Variants in SLC14A2 observed in about 807,000 individuals in gnomAD.
SLC14A2 encodes the protein urea transporter 2.
A neutral mutation model predicts 104.6 loss-of-function variants in SLC14A2; 91 were observed. The observed-to-expected ratio is 0.87, with a 90% confidence interval of 0.73 to 1.04. The LOEUF (loss-of-function observed/expected upper bound fraction) is 1.04. SLC14A2 is among the 50% of genes least tolerant of loss of function. SLC14A2 has a pLI of 0.00. For missense variants in SLC14A2, 1,189 were observed against 1,156.0 expected, an observed-to-expected ratio of 1.03 and a Z score of -0.41; for synonymous variants, 476 against 466.4, an observed-to-expected ratio of 1.02 and a Z score of -0.27.
chr18:45,266,006 T>A (rs1053158832), intron 1 of SLC14A2, among the ~76,000 whole-genome samples: 1 of 152,078 alleles, frequency 6.6e-6, no homozygotes, highest in Non-Finnish European at 1.5e-5. Flanking sequence ...ATGCATAAAA[T>A]TGATTAACAA....
At chr18:45,556,950 CAT>C (rs1164871139) in intron 2 of SLC14A2, among the ~76,000 whole-genome samples, 1 of 152,236 alleles carries the variant, frequency 6.6e-6, no homozygotes, top group African/African-American at 2.4e-5. Flanking sequence ...GGCATTCCCA[CAT>C]GTCCCAAATA....
At chr18:45,215,495 A>G (rs2084002015) in intron 1 of SLC14A2, among the ~76,000 whole-genome samples, 1 of 152,256 alleles carries the variant, frequency 6.6e-6, no homozygotes, top group Admixed American at 6.5e-5. Context: ...GAAAGGGAAA[A>G]AAAATCATGA....
chr18:45,251,688 C>T (rs2084424981), intron 1 of SLC14A2, among the ~76,000 whole-genome samples: 1 of 152,152 alleles, frequency 6.6e-6, no homozygotes, highest in South Asian at 2.1e-4. Flanking sequence ...GTATCTGTGT[C>T]CTAATTTCCT....
At chr18:45,398,760 G>A (rs1241396638) in intron 1 of SLC14A2, among the ~76,000 whole-genome samples, 1 of 152,040 alleles carries the variant, frequency 6.6e-6, no homozygotes, top group Admixed American at 6.6e-5. Context: ...ACCAACTTAG[G>A]GCACTTAGAG....
At chr18:45,194,362 G>A in the SLC14A2 span, among the ~76,000 whole-genome samples, 1 of 152,112 alleles carries the variant, frequency 6.6e-6, no homozygotes, top group African/African-American at 2.4e-5. Flanking sequence ...GGTTCAGAAA[G>A]TCCTCTTCTA....
At chr18:45,251,615 T>G (rs1344487554) in intron 1 of SLC14A2, among the ~76,000 whole-genome samples, 2 of 152,194 alleles carry the variant, frequency 1.3e-5, no homozygotes, top group Non-Finnish European at 2.9e-5. Flanking sequence ...TTGAGGCCTG[T>G]CTCCTAGGCT....
intron 2 of SLC14A2, chr18:45,493,013 C>T (rs57486902): frequency 0.14 from 21,529 of 152,096 alleles, 1,698 homozygotes; most frequent in African/African-American, 0.22. Flanking sequence ...ATCTATGTTC[C>T]ACACTCACCT....
chr18:45,500,576 C>CAAA (rs34543837), intron 2 of SLC14A2, among the ~76,000 whole-genome samples: 10 of 93,748 alleles, frequency 1.1e-4, no homozygotes, highest in East Asian at 5.8e-4. Context: ...GACTCCGTCT[C>CAAA]AAAAAAAAAA....
intron 1 of SLC14A2, among the ~76,000 whole-genome samples, chr18:45,311,674 G>A (rs1339417118): frequency 2.0e-5 from 3 of 152,216 alleles, no homozygotes; most frequent in Non-Finnish European, 2.9e-5. Context: ...ATTCTGATGT[G>A]CATGCATTCT....
chr18:45,664,819 T>C (rs936041061), intron 11 of SLC14A2, among the ~76,000 whole-genome samples: 2 of 152,204 alleles, frequency 1.3e-5, no homozygotes, highest in African/African-American at 2.4e-5. Context: ...AGGGCCCCTG[T>C]AGCTCAGGAG....
chr18:45,671,499 C>T (rs1322066173), intron 16 of SLC14A2, among the ~76,000 whole-genome samples: 4 of 152,164 alleles, frequency 2.6e-5, no homozygotes, highest in South Asian at 2.1e-4. Context: ...GCTTCCTCTG[C>T]TCTTGTGACC....
chr18:45,645,992 G>A (rs941886401), intron 10 of SLC14A2, among the ~76,000 whole-genome samples: 7 of 152,166 alleles, frequency 4.6e-5, no homozygotes, highest in Non-Finnish European at 1.0e-4. Context: ...AGACCCTCAG[G>A]AAATGGAGGA....
the SLC14A2 span, among the ~76,000 whole-genome samples, chr18:45,196,285 G>T: frequency 8.7e-4 from 133 of 152,318 alleles, 1 homozygote; most frequent in Non-Finnish European, 7.5e-4. Flanking sequence ...CACCACATTA[G>T]TTACGAGTTT....
rs147963221 is a variant in SLC14A2, at chr18:45,615,987, G to C, written c.-35+405G>C. ...GGGTGGGTGTGTGAGCAGGATGTGT[G>C]TGAGTAAAGGAGATCAATATTCGTG... is the stretch of plus-strand genomic sequence containing the variant. On this transcript the variant is annotated intron_variant, in intron 1 of 19. Transcript: ENST00000255226. 8.8e-3 allele frequency among the ~76,000 whole-genome samples: 1,338 copies of C among 152,288 alleles called. 7 individuals are homozygous for C. The highest frequency in any genetic ancestry group is 0.014 in the Non-Finnish European group (966 of 68,022).
intron 2 of SLC14A2, among the ~76,000 whole-genome samples, chr18:45,489,452 A>T (rs1191599767): frequency 6.6e-6 from 1 of 152,062 alleles, no homozygotes; most frequent in Non-Finnish European, 1.5e-5. Context: ...CAGACATTGC[A>T]GTGAGCCGAG....
chr18:45,516,348 G>C (rs1195970063), intron 2 of SLC14A2, among the ~76,000 whole-genome samples: 1 of 152,046 alleles, frequency 6.6e-6, no homozygotes, highest in Non-Finnish European at 1.5e-5. Flanking sequence ...TGAAGACCTT[G>C]GTCCCCCTCC....
At chr18:45,282,060 C>T (rs1413213347) in intron 1 of SLC14A2, among the ~76,000 whole-genome samples, 1 of 152,152 alleles carries the variant, frequency 6.6e-6, no homozygotes, top group African/African-American at 2.4e-5. Context: ...CTTGGTGTAG[C>T]TCACTTCCCT....
intron 1 of SLC14A2, among the ~76,000 whole-genome samples, chr18:45,228,533 A>G (rs2084142054): frequency 6.6e-6 from 1 of 152,166 alleles, no homozygotes; most frequent in African/African-American, 2.4e-5. Flanking sequence ...GGTGACTGCC[A>G]CAAACTCGGG....
rs765028064 is a variant in SLC14A2, at chr18:45,641,253, T to C, written c.1036T>C (p.Trp346Arg). Residue 346 changes from tryptophan to arginine, a missense_variant, in exon 8 of 20, where the codon TGG (tryptophan) becomes CGG (arginine). Transcript: ENST00000255226. The part of the protein sequence containing the change: ...TPFETIYTGL[W>R]SYNCVLSCIA... ...CTTCGAGACCATCTACACAGGCCTC[T>C]GGAGCTACAACTGCGTCCTCTCCTG... The C allele has an allele frequency of 1.2e-6, 2 of 1,614,198 alleles. No individual in the cohort carries two copies. The highest frequency in any genetic ancestry group is 2.2e-5 in the South Asian group (2 of 91,088).
Sources: gnomAD v4.1 joint callset for allele counts (sites outside exome capture counted in the v4.1 genomes callset) on GRCh38, gnomAD v4.1.1 for gene constraint, MANE v1.5 for transcripts, NCBI Gene and HGNC (gene_info 2026-07-23, HGNC 2026-07-21) for gene names.